The following NRXN3 variants were observed in gnomAD, a reference collection of about 807,000 sequenced individuals.
The protein encoded by NRXN3 is neurexin III.
A neutral mutation model predicts 137.6 loss-of-function variants in NRXN3; 32 were observed. That is an observed-to-expected ratio of 0.23 (90% CI 0.18 to 0.31). The LOEUF (loss-of-function observed/expected upper bound fraction) is 0.31. Among genes scored for constraint, NRXN3 ranks in the 10% least tolerant of loss-of-function variants. The pLI is 1.00. For synonymous variants in NRXN3, 798 were observed against 784.5 expected, an observed-to-expected ratio of 1.02 and a Z score of -0.29; for missense variants, 1,574 against 2,062.5, an observed-to-expected ratio of 0.76 and a Z score of 4.59.
chr14:78,721,567 C>T (rs1004560705), intron 8 of NRXN3, among the ~76,000 whole-genome samples: 3 of 152,072 alleles, frequency 2.0e-5, no homozygotes, highest in African/African-American at 2.4e-5. Context: ...GATTAGGACT[C>T]GGTTTAGTTA....
At chr14:78,852,765 T>C (rs1487332099) in intron 10 of NRXN3, among the ~76,000 whole-genome samples, 1 of 152,094 alleles carries the variant, frequency 6.6e-6, no homozygotes, top group Non-Finnish European at 1.5e-5. Context: ...AAATCTGAGC[T>C]TTCTCATATA....
chr14:79,314,818 A>T (rs1395970406), intron 15 of NRXN3, among the ~76,000 whole-genome samples: 1 of 146,886 alleles, frequency 6.8e-6, no homozygotes, highest in Non-Finnish European at 1.5e-5. Context: ...GACACCTCAC[A>T]CGGCAGGGTA....
intron 17 of NRXN3, among the ~76,000 whole-genome samples, chr14:79,668,920 TAAGA>T (rs1344692192): frequency 2.0e-5 from 3 of 152,080 alleles, no homozygotes; most frequent in African/African-American, 7.2e-5. Context: ...TACATCGGTA[TAAGA>T]AAGATTTTTT....
intron 15 of NRXN3, among the ~76,000 whole-genome samples, chr14:79,443,553 T>C (rs1457375603): frequency 6.6e-6 from 1 of 152,172 alleles, no homozygotes. Flanking sequence ...AATTAACCAA[T>C]ATTATAGTCC....
At chr14:79,720,951 G>A (rs1050105128) in intron 19 of NRXN3, among the ~76,000 whole-genome samples, 1 of 152,090 alleles carries the variant, frequency 6.6e-6, no homozygotes, top group Admixed American at 6.6e-5. Flanking sequence ...AAAAATATAT[G>A]TAGACAGAGG....
At chr14:79,365,612 G>T (rs1360394063) in intron 15 of NRXN3, among the ~76,000 whole-genome samples, 1 of 150,562 alleles carries the variant, frequency 6.6e-6, no homozygotes. Flanking sequence ...CCAGCTACTC[G>T]GGAGGCTGAG....
intron 8 of NRXN3, among the ~76,000 whole-genome samples, chr14:78,756,559 A>AAG (rs1303465837): frequency 6.6e-6 from 1 of 152,046 alleles, no homozygotes; most frequent in African/African-American, 2.4e-5. Flanking sequence ...AAAAAAAAAA[A>AAG]AAAAAAGGTT....
chr14:79,000,334 C>T (rs1303321382), intron 15 of NRXN3, among the ~76,000 whole-genome samples: 1 of 151,930 alleles, frequency 6.6e-6, no homozygotes, highest in Non-Finnish European at 1.5e-5. Flanking sequence ...TTTTTCTATC[C>T]AAATACCTTT....
At chr14:78,627,462 ACT>A (rs1326461083) in intron 4 of NRXN3, among the ~76,000 whole-genome samples, 2 of 152,324 alleles carry the variant, frequency 1.3e-5, no homozygotes, top group African/African-American at 4.8e-5. Flanking sequence ...GCAGTGCATT[ACT>A]TACCCAGAGC....
chr14:78,834,619 A>G (rs899156779), intron 10 of NRXN3, among the ~76,000 whole-genome samples: 10 of 152,058 alleles, frequency 6.6e-5, no homozygotes, highest in African/African-American at 2.4e-4. Context: ...GCTCCTTTTT[A>G]AACATACCAC....
intron 8 of NRXN3, among the ~76,000 whole-genome samples, chr14:78,746,411 T>G (rs2098607465): frequency 1.3e-5 from 2 of 152,202 alleles, no homozygotes; most frequent in African/African-American, 4.8e-5. Flanking sequence ...TGTAACTCTA[T>G]GTGTTGACCT....
intron 6 of NRXN3, among the ~76,000 whole-genome samples, chr14:78,684,834 C>T (rs181861037): frequency 6.6e-6 from 1 of 152,160 alleles, no homozygotes; most frequent in African/African-American, 2.4e-5. Flanking sequence ...TCATTTTTTC[C>T]CCAAGAGTAT....
intron 15 of NRXN3, among the ~76,000 whole-genome samples, chr14:79,137,722 T>A (rs2058385922): frequency 6.6e-6 from 1 of 152,232 alleles, no homozygotes. Flanking sequence ...TACCAGGATA[T>A]CATAGCTTAA....
rs112701803 is a variant in NRXN3 at position 79,550,657 on chromosome 14, G to A, written c.3444+83255G>A. Among the ~76,000 whole-genome samples, 126 of 152,220 alleles carry A rather than the reference G, an allele frequency of 8.3e-4. 1 individual carries two copies. In the Middle Eastern group the frequency reaches 0.017, roughly 21 times the overall value. On this transcript the variant is annotated intron_variant, in intron 16 of 20. Transcript: ENST00000335750. ...ACTAAAGCTCAGGAAAGTCAGAAAG[G>A]CCAGCCAAGGAAGGAAGATGCTGGC...
intron 4 of NRXN3, among the ~76,000 whole-genome samples, chr14:78,540,689 A>G (rs538217821): frequency 2.9e-4 from 44 of 152,226 alleles, no homozygotes; most frequent in African/African-American, 1.0e-3. Flanking sequence ...TTGCCCATTA[A>G]TTGATGCAGT....
At chr14:79,079,482 C>T (rs2046532153) in intron 15 of NRXN3, among the ~76,000 whole-genome samples, 1 of 152,108 alleles carries the variant, frequency 6.6e-6, no homozygotes, top group Non-Finnish European at 1.5e-5. Context: ...TAGGTTAATA[C>T]TTGATAAAAC....
intron 4 of NRXN3, among the ~76,000 whole-genome samples, chr14:78,641,520 C>G (rs1434829431): frequency 1.3e-5 from 2 of 152,126 alleles, no homozygotes; most frequent in African/African-American, 2.4e-5. Flanking sequence ...GCCTCTTACC[C>G]CATAACATGT....
intron 15 of NRXN3, among the ~76,000 whole-genome samples, chr14:79,084,482 A>G (rs1487733861): frequency 6.6e-6 from 1 of 152,190 alleles, no homozygotes; most frequent in African/African-American, 2.4e-5. Flanking sequence ...CCTAATAAAT[A>G]ATAAAAAAGT....
At chr14:78,879,860 C>T (rs1252174982) in intron 10 of NRXN3, among the ~76,000 whole-genome samples, 2 of 151,394 alleles carry the variant, frequency 1.3e-5, no homozygotes, top group Non-Finnish European at 2.9e-5. Context: ...ATGGAGGGAC[C>T]CCCCCTGCCC....
Sources: allele counts gnomAD v4.1 joint callset (sites outside exome capture counted in the v4.1 genomes callset), GRCh38; gene constraint gnomAD v4.1.1; transcripts MANE v1.5; gene names NCBI Gene and HGNC (gene_info 2026-07-23, HGNC 2026-07-21).